KLHL20: variants seen among roughly 807,000 people sequenced by gnomAD.
The protein encoded by KLHL20 is kelch-like protein 20.
KLHL20 carries 29 observed loss-of-function variants against 69.5 expected under a neutral mutation model. That is an observed-to-expected ratio of 0.42 (90% confidence interval 0.31 to 0.57). The LOEUF (loss-of-function observed/expected upper bound fraction) is 0.57, where lower values mean the gene tolerates loss of function less well. Among genes scored for constraint, KLHL20 ranks in the 20% least tolerant of loss-of-function variants. The probability of loss-of-function intolerance (pLI) is 0.18; values close to 1 mark genes in which losing one functional copy is unlikely to be tolerated. For missense variants in KLHL20, 419 were observed against 776.0 expected (o/e 0.54, Z 5.47); for synonymous variants, 253 against 265.2 (o/e 0.95, Z 0.45).
chr1:173,751,819 T>C lies in KLHL20; in HGVS notation c.653T>C (p.Ile218Thr), dbSNP rs1673328390. 1 of 1,614,066 alleles carries C rather than the reference T, an allele frequency of 6.2e-7. No homozygotes were observed. The highest frequency in any genetic ancestry group is 8.5e-7 in the Non-Finnish European group (1 of 1,179,922). The change falls in exon 4 of 12, where the codon ATA becomes ACA. Residue 218 changes from isoleucine to threonine, a missense_variant. By Grantham distance (89) the Ile-to-Thr change is moderately conservative. Transcript: ENST00000209884. ...CCAGCCAATCAACTCATTGATATAA[T>C]ATCCAGTGATGAGCTAAACGTTCGC... ...LLPANQLIDI[I>T]SSDELNVRSE...
At chr1:173,778,351 C>T (rs536358348) in intron 10 of KLHL20, among the ~76,000 whole-genome samples, 1 of 151,634 alleles carries the variant, frequency 6.6e-6, no homozygotes, top group East Asian at 1.9e-4. Context: ...TGTTTTGAGA[C>T]AGGGTCTGGC....
chr1:173,774,281 A>G, intron 8 of KLHL20, 24 bp from the exon 9 acceptor site: 1 of 1,614,062 alleles, frequency 6.2e-7, no homozygotes, highest in Non-Finnish European at 8.5e-7. Context: ...GAACAAGCAT[A>G]CAGTCTGGTT....
chr1:173,736,698 C>T (rs1190308973), intron 3 of KLHL20, among the ~76,000 whole-genome samples: 5 of 151,760 alleles, frequency 3.3e-5, no homozygotes, highest in African/African-American at 9.7e-5. Context: ...CGGGTTCAAG[C>T]GATTCTCCCA....
chr1:173,771,534 C>T (rs949290175), intron 8 of KLHL20, among the ~76,000 whole-genome samples: 7 of 152,114 alleles, frequency 4.6e-5, no homozygotes, highest in Admixed American at 3.9e-4. Flanking sequence ...GGTAGAAGTA[C>T]GACTTGAGGC....
At chr1:173,753,150 G>T in intron 4 of KLHL20, 63 bp from the exon 5 acceptor site, 2 of 1,331,642 alleles carry the variant, frequency 1.5e-6, no homozygotes, top group Non-Finnish European at 2.1e-6. Context: ...TCCAGCCTAG[G>T]CAACAGAGTA....
intron 2 of KLHL20, among the ~76,000 whole-genome samples, chr1:173,727,669 G>C (rs1303068409): frequency 6.6e-6 from 1 of 152,146 alleles, no homozygotes; most frequent in Non-Finnish European, 1.5e-5. Flanking sequence ...AAGTGAAGGA[G>C]AAATAAGATC....
intron 7 of KLHL20, among the ~76,000 whole-genome samples, chr1:173,764,675 A>AT (rs1647564874): frequency 6.6e-6 from 1 of 152,210 alleles, no homozygotes; most frequent in Non-Finnish European, 1.5e-5. Flanking sequence ...GAGCTAAGCT[A>AT]TGAGGACTCA....
At chr1:173,728,010 C>A (rs1672062810) in intron 2 of KLHL20, among the ~76,000 whole-genome samples, 1 of 152,162 alleles carries the variant, frequency 6.6e-6, no homozygotes, top group East Asian at 1.9e-4. Context: ...AAACCCATCT[C>A]ACGTGCAGAG....
chr1:173,728,135 C>A (rs1201098635), intron 2 of KLHL20, among the ~76,000 whole-genome samples: 1 of 152,138 alleles, frequency 6.6e-6, no homozygotes, highest in East Asian at 1.9e-4. Flanking sequence ...CAACAAAGAT[C>A]AAAAGAGACA....
chr1:173,723,439 A>C (rs1443473266), intron 2 of KLHL20, among the ~76,000 whole-genome samples: 2 of 152,248 alleles, frequency 1.3e-5, no homozygotes, highest in African/African-American at 4.8e-5. Context: ...GGAGAAAAGA[A>C]GAACCATGTT....
At chr1:173,742,024 C>A in intron 3 of KLHL20, 1 of 476,646 alleles carries the variant, frequency 2.1e-6, no homozygotes, top group African/African-American at 2.0e-5. Context: ...ACATTAATCT[C>A]CTTATGTCAA....
At chr1:173,768,429 A>G (rs931314156) in intron 8 of KLHL20, among the ~76,000 whole-genome samples, 1 of 152,238 alleles carries the variant, frequency 6.6e-6, no homozygotes, top group Non-Finnish European at 1.5e-5. Flanking sequence ...CTAGTTTACC[A>G]TGTATATGTT....
At chr1:173,742,947 T>C (rs534064897) in intron 3 of KLHL20, among the ~76,000 whole-genome samples, 1 of 151,700 alleles carries the variant, frequency 6.6e-6, no homozygotes, top group Non-Finnish European at 1.5e-5. Flanking sequence ...TTTTGTTCTT[T>C]CCAACATAAA....
In KLHL20 at chr1:173,717,840, T is replaced by C. The variant is rs908743938; in HGVS notation, c.23+1774T>C. Among the ~76,000 whole-genome samples, 7 of 152,372 alleles carry C rather than the reference T, an allele frequency of 4.6e-5. No homozygotes were observed. The East Asian group carries it at 1.3e-3, about 29-fold the overall frequency. ...TTATTGTTAAAGGTATTCTAATTTT[T>C]GATTATAAAGTTTTATGAAATCAAT... On this transcript the variant is annotated intron_variant, in intron 2 of 11. Transcript: ENST00000209884.
At chr1:173,781,412 C>G (rs539498783) in intron 10 of KLHL20, among the ~76,000 whole-genome samples, 4 of 152,168 alleles carry the variant, frequency 2.6e-5, no homozygotes, top group African/African-American at 9.6e-5. Flanking sequence ...ACCTTTCAGG[C>G]TCAAGCAGTC....
intron 10 of KLHL20, among the ~76,000 whole-genome samples, chr1:173,781,584 A>G (rs2102541867): frequency 6.6e-6 from 1 of 152,122 alleles, no homozygotes; most frequent in Middle Eastern, 3.4e-3. Flanking sequence ...CCAAAGTGAG[A>G]AAGTTTTTAG....
chr1:173,783,317 C>T (rs1190025534), intron 11 of KLHL20, among the ~76,000 whole-genome samples: 1 of 152,082 alleles, frequency 6.6e-6, no homozygotes, highest in Non-Finnish European at 1.5e-5. Flanking sequence ...TTTCTTATGA[C>T]CATGAAGGAT....
rs1186315541 is a variant in KLHL20 at position 173,775,741 on chromosome 1, G to C, written c.1537G>C (p.Gly513Arg). The C allele has an allele frequency of 6.2e-7, 1 of 1,614,178 alleles. No homozygotes were observed. The highest frequency in any genetic ancestry group is 8.5e-7 in the Non-Finnish European group (1 of 1,180,014). Reference sequence around the variant, plus strand: ...ATATCAGGACATGATCTATGCTGTAGGAGGTAGAGATGACACTACAGAGCT... The same window carrying C: ...ATATCAGGACATGATCTATGCTGTACGAGGTAGAGATGACACTACAGAGCT... ...AVYQDMIYAVGGRDDTTELSS... is the reference protein window; with the variant it reads ...AVYQDMIYAVRGRDDTTELSS... Residue 513 changes from glycine to arginine, a missense_variant, in exon 10 of 12, where the codon GGA (glycine) becomes CGA (arginine). Physicochemically the swap from Gly to Arg is moderately radical, Grantham distance 125. Transcript: ENST00000209884.
intron 2 of KLHL20, among the ~76,000 whole-genome samples, chr1:173,719,808 T>G (rs1285746271): frequency 6.6e-6 from 1 of 152,262 alleles, no homozygotes; most frequent in Non-Finnish European, 1.5e-5. Context: ...CCAAATATTT[T>G]GTAATTAATT....
Sources: gnomAD v4.1 joint callset for allele counts (sites outside exome capture counted in the v4.1 genomes callset) on GRCh38, gnomAD v4.1.1 for gene constraint, MANE v1.5 for transcripts, NCBI Gene and HGNC (gene_info 2026-07-23, HGNC 2026-07-21) for gene names.